BCAR3: variants seen among roughly 807,000 people sequenced by gnomAD.
BCAR3 encodes the protein breast cancer anti-estrogen resistance protein 3.
A neutral mutation model predicts 80.1 loss-of-function variants in BCAR3; 37 were observed. The observed-to-expected ratio is 0.46, with a 90% confidence interval of 0.36 to 0.61. The LOEUF (loss-of-function observed/expected upper bound fraction) is 0.61. BCAR3 is among the 20% of genes least tolerant of loss of function. The pLI is 0.00. For synonymous variants in BCAR3, 389 were observed against 418.9 expected, an observed-to-expected ratio of 0.93 and a Z score of 0.87; for missense variants, 978 against 1,068.2, an observed-to-expected ratio of 0.92 and a Z score of 1.18.
chr1:93,589,397 C>T lies in BCAR3; in HGVS notation c.509G>A (p.Arg170Gln), dbSNP rs775906391. 7.5e-5 allele frequency: 121 copies of T among 1,612,110 alleles called. No individual in the cohort carries two copies. Among genetic ancestry groups the T allele is most frequent in the East Asian group, 1.3e-4 (6 of 44,870 alleles). Residue 170 changes from arginine to glutamine, a missense_variant, in exon 5 of 12, where the codon CGA (arginine) becomes CAA (glutamine). By Grantham distance (43) the Arg-to-Gln change is conservative (BLOSUM62 1). Transcript: ENST00000260502. ...PRQVSENLVQ[R>Q]DGDFLVRDSL... is the part of the protein sequence containing the mutation. The stretch of plus-strand genomic sequence containing the variant: ...GTCACGAACTAGGAAGTCACCATCT[C>T]GCTGCACAAGGTTTTCAGACACCTT...
At chr1:93,808,845 G>T (rs1486227265) in intron 2 of BCAR3, among the ~76,000 whole-genome samples, 1 of 152,158 alleles carries the variant, frequency 6.6e-6, no homozygotes, top group Non-Finnish European at 1.5e-5. Context: ...AGGGACATTG[G>T]TTCCATAAAG....
At chr1:93,616,500 T>C (rs1432614313) in intron 3 of BCAR3, among the ~76,000 whole-genome samples, 1 of 152,222 alleles carries the variant, frequency 6.6e-6, no homozygotes, top group East Asian at 1.9e-4. Context: ...TACAAAGAAA[T>C]AGAGGACCAG....
At chr1:93,830,024 GC>G (rs1654504167) in intron 2 of BCAR3, among the ~76,000 whole-genome samples, 2 of 152,090 alleles carry the variant, frequency 1.3e-5, no homozygotes, top group Non-Finnish European at 2.9e-5. Flanking sequence ...TCCTACTCTG[GC>G]CATGTGAAGT....
chr1:93,601,038 T>C (rs539722151), intron 3 of BCAR3, among the ~76,000 whole-genome samples: 1 of 152,240 alleles, frequency 6.6e-6, no homozygotes, highest in East Asian at 1.9e-4. Flanking sequence ...ACAAGTGACC[T>C]TGGGCCATCT....
intron 2 of BCAR3, among the ~76,000 whole-genome samples, chr1:93,829,738 G>A (rs1654493358): frequency 6.6e-6 from 1 of 152,178 alleles, no homozygotes; most frequent in South Asian, 2.1e-4. Context: ...CCTTATGATG[G>A]TTGAGAAAAG....
intron 2 of BCAR3, among the ~76,000 whole-genome samples, chr1:93,716,235 C>A (rs1364327581): frequency 6.6e-6 from 1 of 152,146 alleles, no homozygotes; most frequent in African/African-American, 2.4e-5. Flanking sequence ...AATTTTGCAC[C>A]ATGTGTATGT....
intron 7 of BCAR3, among the ~76,000 whole-genome samples, chr1:93,578,558 C>G (rs944090452): frequency 6.6e-6 from 1 of 152,178 alleles, no homozygotes; most frequent in African/African-American, 2.4e-5. Flanking sequence ...TGGTGTTCAT[C>G]GGGCCAAAGA....
chr1:93,703,215 C>G lies in BCAR3; in HGVS notation c.-12+2877G>C, dbSNP rs144522754. On this transcript the variant is annotated intron_variant, in intron 3 of 13. Coordinates refer to the BCAR3 transcript ENST00000370244. ...GAAGACATAAAAAATGCACTCCAAACAGGAAAACAACTTTTAAAAATTATT... is the reference window on the plus strand; with the variant it reads ...GAAGACATAAAAAATGCACTCCAAAGAGGAAAACAACTTTTAAAAATTATT... Among the ~76,000 whole-genome samples the G allele has an allele frequency of 3.9e-5, 6 of 152,272 alleles. No homozygotes were observed. In the East Asian group the frequency reaches 1.2e-3, roughly 29 times the overall value.
chr1:93,613,310 G>C (rs1675009506), intron 3 of BCAR3, among the ~76,000 whole-genome samples: 1 of 152,176 alleles, frequency 6.6e-6, no homozygotes, highest in Non-Finnish European at 1.5e-5. Flanking sequence ...ATTATACAAA[G>C]CTCTTGGCAC....
At chr1:93,766,572 C>T (rs550186543) in intron 2 of BCAR3, among the ~76,000 whole-genome samples, 1 of 152,372 alleles carries the variant, frequency 6.6e-6, no homozygotes, top group African/African-American at 2.4e-5. Flanking sequence ...TCCAGAGCCG[C>T]TGCTGGCCAC....
rs181454965 is a variant in BCAR3, at chr1:93,692,256, C to G, written c.-12+13836G>C. Among the ~76,000 whole-genome samples the G allele has an allele frequency of 3.0e-3, 459 of 152,262 alleles. 5 individuals carry two copies. Among genetic ancestry groups the G allele is most frequent in the African/African-American group, 0.011 (452 of 41,540 alleles). ...TCTCTGGTTCCTTCCTCACAGGAAC[C>G]CCCCTCCCCAGTGCACACACAGCTG... On this transcript the variant is annotated intron_variant, in intron 3 of 13. Coordinates refer to the BCAR3 transcript ENST00000370244.
chr1:93,749,828 T>G (rs762474383), intron 2 of BCAR3, among the ~76,000 whole-genome samples: 1 of 151,180 alleles, frequency 6.6e-6, no homozygotes, highest in African/African-American at 2.4e-5. Flanking sequence ...TTTATACTCT[T>G]AAAAATCTTC....
intron 4 of BCAR3, among the ~76,000 whole-genome samples, chr1:93,591,217 G>GT (rs1279398784): frequency 2.8e-5 from 4 of 141,782 alleles, no homozygotes; most frequent in Non-Finnish European, 6.0e-5. Flanking sequence ...ACTCATGCCT[G>GT]TAATCCCAGC....
At chr1:93,583,041 CCATTCATGCCCTT>C in intron 6 of BCAR3, 88 bp from the exon 7 acceptor site, 1 of 1,387,084 alleles carries the variant, frequency 7.2e-7, no homozygotes, top group Non-Finnish European at 9.7e-7. Flanking sequence ...CCCCAGCCCT[CCATTCATGCCCTT>C]GGGCTTCAAT....
chr1:93,697,497 G>C (rs935340836), intron 3 of BCAR3, among the ~76,000 whole-genome samples: 1 of 152,220 alleles, frequency 6.6e-6, no homozygotes, highest in Non-Finnish European at 1.5e-5. Flanking sequence ...GCACTCTCTT[G>C]AACAGTCTTG....
At chr1:93,736,709 G>A (rs111694945) in intron 2 of BCAR3, among the ~76,000 whole-genome samples, 1 of 152,134 alleles carries the variant, frequency 6.6e-6, no homozygotes, top group Admixed American at 6.5e-5. Context: ...AGAGATGATG[G>A]CCTCGTCACT....
chr1:93,619,435 G>A (rs1387787061), intron 3 of BCAR3, among the ~76,000 whole-genome samples: 2 of 152,190 alleles, frequency 1.3e-5, no homozygotes, highest in Admixed American at 6.5e-5. Context: ...CATCCAAGAT[G>A]ATTCACCACC....
chr1:93,746,711 G>T (rs1651371292), intron 2 of BCAR3, among the ~76,000 whole-genome samples: 1 of 151,900 alleles, frequency 6.6e-6, no homozygotes, highest in East Asian at 1.9e-4. Context: ...TTTTCCCTTT[G>T]CAGTCAAATT....
chr1:93,825,170 A>C (rs1654335407), intron 2 of BCAR3, among the ~76,000 whole-genome samples: 1 of 133,746 alleles, frequency 7.5e-6, no homozygotes, highest in Non-Finnish European at 1.7e-5. Context: ...ACAGTAATAC[A>C]TGATACAATA....
Sources: allele counts gnomAD v4.1 joint callset (sites outside exome capture counted in the v4.1 genomes callset), GRCh38; gene constraint gnomAD v4.1.1; transcripts MANE v1.5; gene names NCBI Gene and HGNC (gene_info 2026-07-23, HGNC 2026-07-21).